Variants in LRRC7 observed in about 807,000 individuals in gnomAD.
LRRC7 encodes leucine-rich repeat-containing protein 7.
In LRRC7, 23 loss-of-function variants were observed where a neutral mutation model predicts 175.7. That is an observed-to-expected ratio of 0.13 (90% CI 0.09 to 0.19). The LOEUF is 0.19. Among genes scored for constraint, LRRC7 ranks in the 10% least tolerant of loss-of-function variants. The pLI, the probability that LRRC7 is intolerant of heterozygous loss-of-function variation, is 1.00. For missense variants in LRRC7, 1,354 were observed against 1,904.7 expected (o/e 0.71, Z 5.38); for synonymous variants, 685 against 680.9 (o/e 1.01, Z -0.09).
intron 25 of LRRC7, among the ~76,000 whole-genome samples, chr1:70,100,787 T>C (rs1304695468): frequency 6.6e-6 from 1 of 152,100 alleles, no homozygotes; most frequent in African/African-American, 2.4e-5. Context: ...TCTCCCTCTT[T>C]CTCTCTTCTT....
At chr1:69,749,977 C>T (rs1669666287) in intron 2 of LRRC7, among the ~76,000 whole-genome samples, 1 of 151,842 alleles carries the variant, frequency 6.6e-6, no homozygotes, top group African/African-American at 2.4e-5. Flanking sequence ...AGGGGAATCG[C>T]TTGAACCCGG....
chr1:69,835,459 A>T (rs578228331), intron 6 of LRRC7, among the ~76,000 whole-genome samples: 3 of 152,116 alleles, frequency 2.0e-5, no homozygotes, highest in African/African-American at 4.8e-5. Context: ...CACATAAAAA[A>T]AGTCTGTCTT....
At chr1:70,054,008 A>G (rs1284734442) in intron 23 of LRRC7, among the ~76,000 whole-genome samples, 1 of 152,216 alleles carries the variant, frequency 6.6e-6, no homozygotes, top group Non-Finnish European at 1.5e-5. Context: ...GAGCAATGGA[A>G]ACTCTTTTAG....
At chr1:69,687,661 C>A (rs1661350226) in intron 2 of LRRC7, among the ~76,000 whole-genome samples, 1 of 109,574 alleles carries the variant, frequency 9.1e-6, no homozygotes, top group South Asian at 2.7e-4. Flanking sequence ...ATACATGATG[C>A]CTCTCTTGAG....
At chr1:69,876,085 C>T (rs1686019122) in intron 7 of LRRC7, among the ~76,000 whole-genome samples, 1 of 152,002 alleles carries the variant, frequency 6.6e-6, no homozygotes, top group Admixed American at 6.6e-5. Flanking sequence ...GTTGTTATGC[C>T]TTTTAGGAGT....
intron 5 of LRRC7, among the ~76,000 whole-genome samples, chr1:69,833,622 G>A (rs536771828): frequency 1.3e-4 from 19 of 151,938 alleles, no homozygotes; most frequent in Non-Finnish European, 2.4e-4. Flanking sequence ...GGAATAAAAC[G>A]CAGATATAAT....
At chr1:69,939,041 CTA>C (rs1452992342) in intron 8 of LRRC7, among the ~76,000 whole-genome samples, 46 of 50,696 alleles carry the variant, frequency 9.1e-4, no homozygotes, top group African/African-American at 2.4e-3. Flanking sequence ...CTATATATAT[CTA>C]TATCTATCTC....
rs137978341 is a variant in LRRC7, at chr1:70,077,272, G to A, written c.4452+974G>A. On this transcript the variant is annotated intron_variant, in intron 24 of 26. Coordinates refer to ENST00000651989, the MANE Select transcript of LRRC7 (RefSeq NM_001370785.2). ...ATATCCTTCTTGAAGCCTAGATTAC[G>A]TACTAATCATTCTCAGAATCATAGG... Among the ~76,000 whole-genome samples the A allele has an allele frequency of 3.2e-3, 490 of 152,092 alleles. 3 individuals are homozygous for A. Among genetic ancestry groups the A allele is most frequent in the African/African-American group, 0.011 (448 of 41,510 alleles).
rs2102269835 is a variant in LRRC7, at chr1:70,131,952, G to A, written c.*10065G>A. 6.6e-6 allele frequency among the ~76,000 whole-genome samples: 1 copy of A among 152,272 alleles called. No homozygotes were observed. Among genetic ancestry groups the A allele is most frequent in the East Asian group, 1.9e-4 (1 of 5,188 alleles). On this transcript the variant is annotated 3_prime_UTR_variant, in exon 27 of 27. Coordinates refer to ENST00000651989, the MANE Select transcript of LRRC7 (RefSeq NM_001370785.2). Reference sequence around the variant, plus strand: ...TTAAGTAAGAGCATTTTAGAATAATGAGAATAATGAGTGAGTAAGGAACAA... The same window carrying A: ...TTAAGTAAGAGCATTTTAGAATAATAAGAATAATGAGTGAGTAAGGAACAA...
chr1:69,740,389 A>G (rs755118232), intron 2 of LRRC7, among the ~76,000 whole-genome samples: 4 of 151,980 alleles, frequency 2.6e-5, no homozygotes, highest in Non-Finnish European at 2.9e-5. Context: ...CCACCCTTTC[A>G]TATTGGGGCC....
At chr1:69,641,431 A>G (rs191112801) in intron 1 of LRRC7, among the ~76,000 whole-genome samples, 16 of 151,710 alleles carry the variant, frequency 1.1e-4, no homozygotes, top group Admixed American at 8.5e-4. Context: ...GTAGAGGGAA[A>G]TAAAGGGTAA....
intron 2 of LRRC7, among the ~76,000 whole-genome samples, chr1:69,679,476 A>G (rs867181129): frequency 1.3e-5 from 2 of 152,128 alleles, no homozygotes; most frequent in Non-Finnish European, 2.9e-5. Flanking sequence ...AAGTTAATAG[A>G]TAACCTTACT....
At chr1:69,778,905 TAC>T (rs1434951980) in intron 3 of LRRC7, among the ~76,000 whole-genome samples, 1 of 148,296 alleles carries the variant, frequency 6.7e-6, no homozygotes, top group East Asian at 2.0e-4. Flanking sequence ...CATATATATA[TAC>T]ACACACATAC....
At chr1:69,620,606 T>C (rs1339292618) in intron 1 of LRRC7, among the ~76,000 whole-genome samples, 2 of 152,172 alleles carry the variant, frequency 1.3e-5, no homozygotes, top group East Asian at 3.9e-4. Context: ...TGTCCAGAAA[T>C]AAGAGAAGAA....
At chr1:69,714,961 G>C (rs1025132087) in intron 2 of LRRC7, among the ~76,000 whole-genome samples, 2 of 152,102 alleles carry the variant, frequency 1.3e-5, no homozygotes, top group African/African-American at 4.8e-5. Flanking sequence ...ATAAAGAATT[G>C]TATCAATTAA....
At chr1:69,684,243 G>A (rs1270705631) in intron 2 of LRRC7, among the ~76,000 whole-genome samples, 4 of 152,028 alleles carry the variant, frequency 2.6e-5, no homozygotes, top group Non-Finnish European at 5.9e-5. Flanking sequence ...CATATTGCCT[G>A]GCAGTTAGTA....
At chr1:69,725,075 A>C (rs1666794085) in intron 2 of LRRC7, among the ~76,000 whole-genome samples, 1 of 152,056 alleles carries the variant, frequency 6.6e-6, no homozygotes, top group South Asian at 2.1e-4. Context: ...ATATATATAC[A>C]TGTTTTATAT....
At chr1:70,077,568 G>T (rs1206346723) in intron 24 of LRRC7, among the ~76,000 whole-genome samples, 25 of 152,044 alleles carry the variant, frequency 1.6e-4, no homozygotes, top group Admixed American at 1.6e-3. Context: ...ACAGCTACAT[G>T]GTTTTTTCCT....
intron 23 of LRRC7, among the ~76,000 whole-genome samples, chr1:70,071,994 C>T (rs976698456): frequency 2.0e-5 from 3 of 152,062 alleles, no homozygotes; most frequent in Admixed American, 6.6e-5. Flanking sequence ...TGAACAGTGC[C>T]GTTTGCTATC....
Sources: allele counts gnomAD v4.1 joint callset (sites outside exome capture counted in the v4.1 genomes callset), GRCh38; gene constraint gnomAD v4.1.1; transcripts MANE v1.5; gene names NCBI Gene and HGNC (gene_info 2026-07-23, HGNC 2026-07-21).